RGS6: variants seen among roughly 807,000 people sequenced by gnomAD.
RGS6 encodes the protein regulator of G-protein signaling 6.
RGS6 carries 30 observed loss-of-function variants against 78.5 expected under a neutral mutation model. The ratio of observed to expected loss-of-function variants is 0.38; its 90% CI spans 0.29 to 0.52. The LOEUF is 0.52. Among genes scored for constraint, RGS6 ranks in the 20% least tolerant of loss-of-function variants. The probability of loss-of-function intolerance (pLI) is 0.85; values close to 1 mark genes in which losing one functional copy is unlikely to be tolerated. For synonymous variants in RGS6, 206 were observed against 206.0 expected (o/e 1.00, Z 0.00); for missense variants, 495 against 609.7 (o/e 0.81, Z 1.98).
chr14:72,207,908 G>A (rs866558031), intron 2 of RGS6, among the ~76,000 whole-genome samples: 8 of 152,186 alleles, frequency 5.3e-5, no homozygotes, highest in Admixed American at 3.9e-4. Flanking sequence ...TCCTGAGATT[G>A]TTAATTGGAG....
At chr14:72,415,323 A>G (rs2093721480) in intron 3 of RGS6, among the ~76,000 whole-genome samples, 1 of 149,218 alleles carries the variant, frequency 6.7e-6, no homozygotes, top group Non-Finnish European at 1.5e-5. Context: ...CTCCGTGGGC[A>G]TAGGACTCTC....
chr14:72,036,814 G>A (rs951415327), intron 2 of RGS6, among the ~76,000 whole-genome samples: 4 of 151,906 alleles, frequency 2.6e-5, no homozygotes, highest in African/African-American at 9.7e-5. Context: ...TAAAAACAAG[G>A]TTTTAATTAT....
At chr14:72,225,752 A>T (rs1412860563) in intron 2 of RGS6, among the ~76,000 whole-genome samples, 1 of 152,222 alleles carries the variant, frequency 6.6e-6, no homozygotes. Flanking sequence ...TTGCAAAAAT[A>T]GGGTCATACT....
chr14:72,382,209 T>C (rs1238770639), intron 3 of RGS6, among the ~76,000 whole-genome samples: 1 of 152,008 alleles, frequency 6.6e-6, no homozygotes, highest in Non-Finnish European at 1.5e-5. Flanking sequence ...CAACAAAGCA[T>C]TAGAATCATG....
intron 2 of RGS6, among the ~76,000 whole-genome samples, chr14:72,333,897 C>T (rs1361964437): frequency 6.6e-6 from 1 of 152,216 alleles, no homozygotes; most frequent in African/African-American, 2.4e-5. Context: ...GATTTCCATT[C>T]CCATTAAATC....
At chr14:72,246,351 G>A (rs953580847) in intron 2 of RGS6, among the ~76,000 whole-genome samples, 2 of 152,178 alleles carry the variant, frequency 1.3e-5, no homozygotes, top group Non-Finnish European at 2.9e-5. Flanking sequence ...AGGGTAAAGT[G>A]ACAGAGCTTG....
At chr14:72,604,945 C>T in the RGS6 span, among the ~76,000 whole-genome samples, 14 of 152,240 alleles carry the variant, frequency 9.2e-5, no homozygotes, top group South Asian at 2.1e-4. Context: ...TCTTTCTGAG[C>T]GGGGCCACTG....
intron 17 of RGS6, among the ~76,000 whole-genome samples, chr14:72,555,143 C>T (rs908807977): frequency 6.6e-6 from 1 of 152,206 alleles, no homozygotes; most frequent in African/African-American, 2.4e-5. Context: ...AGTAAGGCCA[C>T]CCTGCCTGCC....
chr14:72,472,748 A>G, intron 8 of RGS6, 124 bp from the exon 9 acceptor site: 1 of 685,104 alleles, frequency 1.5e-6, no homozygotes, highest in Non-Finnish European at 2.6e-6. Flanking sequence ...AGCAGGCACC[A>G]TGCAGGTACC....
intron 2 of RGS6, among the ~76,000 whole-genome samples, chr14:72,000,102 T>C (rs1289688984): frequency 6.6e-6 from 1 of 152,206 alleles, no homozygotes. Flanking sequence ...GAAGCACTGA[T>C]AGTCTTCGAG....
At chr14:72,338,244 A>T (rs1046703253) in intron 2 of RGS6, among the ~76,000 whole-genome samples, 5 of 152,254 alleles carry the variant, frequency 3.3e-5, no homozygotes, top group Admixed American at 6.5e-5. Context: ...TAATTTATAA[A>T]GAAAAAGAGG....
intron 2 of RGS6, among the ~76,000 whole-genome samples, chr14:72,302,795 G>C (rs1413541757): frequency 2.6e-5 from 4 of 152,152 alleles, no homozygotes; most frequent in African/African-American, 9.7e-5. Flanking sequence ...TCCCCAGCCA[G>C]ATCTCATCTT....
intron 2 of RGS6, among the ~76,000 whole-genome samples, chr14:72,320,398 G>A (rs879799270): frequency 6.6e-6 from 1 of 151,484 alleles, no homozygotes; most frequent in African/African-American, 2.4e-5. Flanking sequence ...CTAACATGGT[G>A]AAACCACATC....
chr14:72,423,554 GC>G (rs2094300841), intron 3 of RGS6, among the ~76,000 whole-genome samples: 1 of 152,146 alleles, frequency 6.6e-6, no homozygotes, highest in Non-Finnish European at 1.5e-5. Context: ...ATTATCCTAA[GC>G]AAATTAAAGC....
At chr14:72,363,999 TAAAAAAAAAAAAAA>T (rs55943058) in intron 3 of RGS6, among the ~76,000 whole-genome samples, 2 of 46,802 alleles carry the variant, frequency 4.3e-5, no homozygotes, top group East Asian at 7.5e-4. Context: ...TGGACAAGGC[TAAAAAAAAAAAAAA>T]AAAAAAAAAA....
At chr14:72,219,075 A>G (rs1371303188) in intron 2 of RGS6, among the ~76,000 whole-genome samples, 2 of 151,866 alleles carry the variant, frequency 1.3e-5, no homozygotes, top group Non-Finnish European at 1.5e-5. Flanking sequence ...GAGAAAGTCC[A>G]TGTGTTAGAT....
At chr14:72,453,316 C>T (rs79762040) in intron 3 of RGS6, among the ~76,000 whole-genome samples, 1 of 151,984 alleles carries the variant, frequency 6.6e-6, no homozygotes. Context: ...AGTAGACAAG[C>T]TTTAAAAGTT....
intron 3 of RGS6, among the ~76,000 whole-genome samples, chr14:72,379,591 A>T (rs953851078): frequency 9.2e-5 from 14 of 151,946 alleles, no homozygotes; most frequent in Admixed American, 2.0e-4. Context: ...AGTTACATTT[A>T]AAAAAAACCT....
chr14:72,425,129 G>T (rs531886689), intron 3 of RGS6, among the ~76,000 whole-genome samples: 1 of 152,162 alleles, frequency 6.6e-6, no homozygotes, highest in Non-Finnish European at 1.5e-5. Flanking sequence ...AAGAATTGAT[G>T]GATTGGAAGG....
Sources: gnomAD v4.1 joint callset for allele counts (sites outside exome capture counted in the v4.1 genomes callset) on GRCh38, gnomAD v4.1.1 for gene constraint, MANE v1.5 for transcripts, NCBI Gene and HGNC (gene_info 2026-07-23, HGNC 2026-07-21) for gene names.